The following CD2AP variants were observed in gnomAD, a reference collection of about 807,000 sequenced individuals.
CD2AP encodes CD2-associated protein.
CD2AP carries 46 observed loss-of-function variants against 85.1 expected under a neutral mutation model. The observed-to-expected ratio is 0.54, with a 90% CI of 0.43 to 0.69. CD2AP has a LOEUF of 0.69. Ranked by LOEUF, CD2AP falls within the 30% of genes least tolerant of loss-of-function variation. The pLI, the probability that CD2AP is intolerant of heterozygous loss-of-function variation, is 0.00. For synonymous variants in CD2AP, 255 were observed against 252.9 expected (o/e 1.01, Z -0.08); for missense variants, 769 against 729.5 (o/e 1.05, Z -0.62).
At position 47,580,970 on chromosome 6, in the gene CD2AP, T is replaced by C. The variant is rs1377431158; in HGVS notation, c.1045+70T>C. The C allele has an allele frequency of 9.5e-7, 1 of 1,051,034 alleles. No individual in the cohort carries two copies. Among genetic ancestry groups the C allele is most frequent in the East Asian group, 2.4e-5 (1 of 42,082 alleles). 65.1% of individuals were successfully genotyped at this position (1,051,034 alleles called of 1,614,324 possible). A position where few individuals can be genotyped will look rare whatever the true frequency, so the allele number is the denominator to read the frequency against. On this transcript the variant is annotated intron_variant, in intron 10 of 17. Coordinates refer to ENST00000359314, the MANE Select transcript of CD2AP (RefSeq NM_012120.3). ...AAAATTCTAAAATGGTAAAATTGGA[T>C]CTAATGCAAACTATTGATTTTTATC...
intron 2 of CD2AP, among the ~76,000 whole-genome samples, chr6:47,524,020 A>G (rs1311122639): frequency 3.3e-5 from 5 of 152,186 alleles, no homozygotes; most frequent in Admixed American, 6.5e-5. Context: ...TTTAAATGGA[A>G]TTATTTGTAC....
chr6:47,529,206 AT>A (rs1466074771), intron 2 of CD2AP, among the ~76,000 whole-genome samples: 2 of 92,412 alleles, frequency 2.2e-5, no homozygotes, highest in Non-Finnish European at 3.8e-5. Flanking sequence ...CCCCCAACTT[AT>A]TGCACTATGG....
intron 5 of CD2AP, among the ~76,000 whole-genome samples, chr6:47,569,727 A>G (rs1730034806): frequency 6.6e-6 from 1 of 152,092 alleles, no homozygotes; most frequent in African/African-American, 2.4e-5. Flanking sequence ...ATCCTGGGGA[A>G]ATGGTTGTAT....
At chr6:47,481,308 G>C (rs1369970796) in intron 1 of CD2AP, among the ~76,000 whole-genome samples, 1 of 152,022 alleles carries the variant, frequency 6.6e-6, no homozygotes, top group East Asian at 1.9e-4. Flanking sequence ...ATAGGCTCTC[G>C]TATATAAAAC....
intron 17 of CD2AP, among the ~76,000 whole-genome samples, chr6:47,613,804 A>T (rs1352372827): frequency 6.6e-6 from 1 of 152,208 alleles, no homozygotes; most frequent in Non-Finnish European, 1.5e-5. Flanking sequence ...ATCTTCTTTC[A>T]ATAGAAGGCT....
At chr6:47,589,563 C>T (rs1211079289) in intron 11 of CD2AP, among the ~76,000 whole-genome samples, 96 of 46,652 alleles carry the variant, frequency 2.1e-3, no homozygotes, top group African/African-American at 5.8e-3. Flanking sequence ...CACACACACA[C>T]ACATATATAT....
chr6:47,606,535 A>G (rs944646560), intron 14 of CD2AP, among the ~76,000 whole-genome samples: 3 of 152,072 alleles, frequency 2.0e-5, no homozygotes, highest in African/African-American at 4.8e-5. Flanking sequence ...AAGGGTGACA[A>G]AGAAAGAACC....
rs544942565 is a variant in CD2AP, at chr6:47,563,610, C to A, written c.541+8844C>A. Among the ~76,000 whole-genome samples, 19 of 152,248 alleles carry A rather than the reference C, an allele frequency of 1.2e-4. No homozygotes were observed. In the South Asian group the frequency reaches 3.5e-3, roughly 28 times the overall value. Reference sequence around the variant, plus strand: ...CATTTGTGTACAGTATTATGCTCTACCATATATTCGTTGTGGATTACCTTT... The same window carrying A: ...CATTTGTGTACAGTATTATGCTCTAACATATATTCGTTGTGGATTACCTTT... On this transcript the variant is annotated intron_variant, in intron 5 of 17. Transcript: ENST00000359314.
intron 5 of CD2AP, among the ~76,000 whole-genome samples, chr6:47,559,812 G>A (rs1247126511): frequency 2.0e-5 from 3 of 152,156 alleles, no homozygotes; most frequent in South Asian, 2.1e-4. Context: ...GCCTGCAGAA[G>A]AGTCAGGCTT....
At position 47,599,454 on chromosome 6, in the gene CD2AP, A is replaced by C. The variant is rs1190217397; in HGVS notation, c.1417+11A>C. On this transcript the variant is annotated intron_variant, in intron 13 of 17. Coordinates refer to ENST00000359314, the MANE Select transcript of CD2AP (RefSeq NM_012120.3). ...CCTCCAAAGAAACAGGTAAGTCAGC[A>C]TGGACAGCGGTGGTGCATTTAAAAA... 6.2e-7 allele frequency: 1 copy of C among 1,610,930 alleles called. No homozygotes were observed. Among genetic ancestry groups the C allele is most frequent in the Admixed American group, 1.7e-5 (1 of 59,778 alleles).
chr6:47,601,494 A>G (rs1376261876), intron 13 of CD2AP, among the ~76,000 whole-genome samples: 2 of 151,962 alleles, frequency 1.3e-5, no homozygotes, highest in Non-Finnish European at 2.9e-5. Context: ...TAACTGTCAG[A>G]TTATTCACTG....
At chr6:47,617,945 A>C (rs113274460) in intron 17 of CD2AP, among the ~76,000 whole-genome samples, 294 of 152,278 alleles carry the variant, frequency 1.9e-3, no homozygotes, top group African/African-American at 6.9e-3. Context: ...TCATCTTCTA[A>C]TGCCCACGTT....
At chr6:47,524,763 T>C (rs898223244) in intron 2 of CD2AP, among the ~76,000 whole-genome samples, 2 of 152,216 alleles carry the variant, frequency 1.3e-5, no homozygotes, top group African/African-American at 4.8e-5. Flanking sequence ...ATAGTTTAAA[T>C]AGGAAGTTCC....
At position 47,579,442 on chromosome 6, in the gene CD2AP, C is replaced by T; in HGVS notation, c.961C>T (p.Pro321Ser). The change falls in exon 9 of 18, where the codon CCA becomes TCA. Residue 321 changes from proline (P) to serine (S), a missense_variant. Transcript: ENST00000359314. ...GELNGKEGVF[P>S]DNFAVQINEL... is the part of the protein sequence containing the mutation. ...ACTTAATGGTAAAGAAGGAGTATTTCCAGACAATTTTGCTGTCCAGATAAA... is the reference window on the plus strand; with the variant it reads ...ACTTAATGGTAAAGAAGGAGTATTTTCAGACAATTTTGCTGTCCAGATAAA... The T allele has an allele frequency of 6.2e-7, 1 of 1,613,144 alleles. No individual in the cohort carries two copies. Among genetic ancestry groups the T allele is most frequent in the African/African-American group, 1.3e-5 (1 of 74,946 alleles).
intron 4 of CD2AP, among the ~76,000 whole-genome samples, chr6:47,553,734 A>T (rs1353755523): frequency 6.6e-6 from 1 of 152,098 alleles, no homozygotes; most frequent in Non-Finnish European, 1.5e-5. Context: ...TTTTAAAGTT[A>T]TTAAATATTA....
Position 47,626,993 on chromosome 6 carries a change from A to C in CD2AP, c.*2766A>C, listed in dbSNP as rs1263175470. 2.0e-5 allele frequency: 3 copies of C among 152,618 alleles called. No homozygotes were observed. The highest frequency in any genetic ancestry group is 7.2e-5 in the African/African-American group (3 of 41,582). The allele number at this position is 152,618 out of a possible 1,614,324, so 9.5% of individuals were successfully genotyped here. On this transcript the variant is annotated 3_prime_UTR_variant, in exon 18 of 18. Transcript: ENST00000359314. ...GCTTTCAATAACTGTTACGTAATGC[A>C]GTTGATGTTGTAACCTAACATTCCA...
intron 4 of CD2AP, among the ~76,000 whole-genome samples, chr6:47,545,688 C>A (rs1767347013): frequency 1.3e-5 from 2 of 152,194 alleles, no homozygotes; most frequent in Non-Finnish European, 2.9e-5. Flanking sequence ...TGGTTCACAT[C>A]ACGGGACTCT....
intron 2 of CD2AP, among the ~76,000 whole-genome samples, chr6:47,529,534 T>C (rs1369317091): frequency 1.3e-5 from 2 of 152,192 alleles, no homozygotes; most frequent in African/African-American, 4.8e-5. Flanking sequence ...CTGGAAACCC[T>C]GAACTGGAAT....
rs1156680811 is a variant in CD2AP at position 47,624,749 on chromosome 6, A to G, written c.*522A>G. On this transcript the variant is annotated 3_prime_UTR_variant, in exon 18 of 18. Transcript: ENST00000359314. ...TATATATATATATATTTTTACTTTTATCCTCTTACCGAAGGTTACACTGTT... is the reference window on the plus strand; with the variant it reads ...TATATATATATATATTTTTACTTTTGTCCTCTTACCGAAGGTTACACTGTT... 7.0e-6 allele frequency: 1 copy of G among 142,166 alleles called. No homozygotes were observed. Among genetic ancestry groups the G allele is most frequent in the Non-Finnish European group, 1.5e-5 (1 of 65,530 alleles). The allele number at this position is 142,166 out of a possible 1,614,324, so 8.8% of individuals were successfully genotyped here. A position where few individuals can be genotyped will look rare whatever the true frequency, so the allele number is the denominator to read the frequency against.
Sources: gnomAD v4.1 joint callset for allele counts (sites outside exome capture counted in the v4.1 genomes callset) on GRCh38, gnomAD v4.1.1 for gene constraint, MANE v1.5 for transcripts, NCBI Gene and HGNC (gene_info 2026-07-23, HGNC 2026-07-21) for gene names.